Variants in VTI1A observed in about 807,000 individuals in gnomAD.
VTI1A encodes the protein vesicle transport through interaction with t-SNAREs homolog 1A.
VTI1A carries 22 observed loss-of-function variants against 34.9 expected under a neutral mutation model. The ratio of observed to expected loss-of-function variants is 0.63; its 90% CI spans 0.45 to 0.90. The LOEUF is 0.90. Among genes scored for constraint, VTI1A ranks in the 40% least tolerant of loss-of-function variants. The pLI, the probability that VTI1A is intolerant of heterozygous loss-of-function variation, is 0.00. For missense variants in VTI1A, 268 were observed against 275.6 expected (o/e 0.97, Z 0.20); for synonymous variants, 87 against 97.3 (o/e 0.89, Z 0.62).
At chr10:112,529,624 T>C (rs1332434910) in intron 4 of VTI1A, among the ~76,000 whole-genome samples, 1 of 152,064 alleles carries the variant, frequency 6.6e-6, no homozygotes, top group African/African-American at 2.4e-5. Flanking sequence ...AATAAATTGA[T>C]TTTCAGAACT....
intron 5 of VTI1A, among the ~76,000 whole-genome samples, chr10:112,569,036 T>C (rs1246632560): frequency 2.0e-5 from 3 of 151,844 alleles, no homozygotes; most frequent in African/African-American, 7.3e-5. Context: ...GCACCTATGG[T>C]CCCAGCTACT....
chr10:112,854,086 G>C, the VTI1A span, among the ~76,000 whole-genome samples: 1 of 152,100 alleles, frequency 6.6e-6, no homozygotes, highest in Non-Finnish European at 1.5e-5. Context: ...CTGCCTCCCT[G>C]GGTCCTCATA....
At chr10:112,613,264 G>T (rs1008800813) in intron 5 of VTI1A, among the ~76,000 whole-genome samples, 3 of 152,040 alleles carry the variant, frequency 2.0e-5, no homozygotes, top group African/African-American at 7.2e-5. Flanking sequence ...AGTTACAATT[G>T]TGCATCTTTC....
At chr10:112,559,653 C>G (rs139842331) in intron 5 of VTI1A, among the ~76,000 whole-genome samples, 2 of 152,276 alleles carry the variant, frequency 1.3e-5, no homozygotes, top group East Asian at 3.9e-4. Flanking sequence ...TCTTTATCAG[C>G]TATTCTTCCC....
At chr10:112,759,997 T>G (rs1851405560) in intron 7 of VTI1A, among the ~76,000 whole-genome samples, 2 of 152,152 alleles carry the variant, frequency 1.3e-5, no homozygotes, top group African/African-American at 2.4e-5. Flanking sequence ...CAATTCCCAA[T>G]GGGGAATACT....
chr10:112,599,346 T>G (rs1844796243), intron 5 of VTI1A, among the ~76,000 whole-genome samples: 1 of 152,132 alleles, frequency 6.6e-6, no homozygotes, highest in Non-Finnish European at 1.5e-5. Flanking sequence ...TGCAGGCCAA[T>G]TGGACAGACC....
Position 112,811,082 on chromosome 10 carries a change from A to G in VTI1A, c.561-4208A>G, listed in dbSNP as rs138007879. Among the ~76,000 whole-genome samples the G allele has an allele frequency of 2.6e-5, 4 of 152,338 alleles. No homozygotes were observed. The East Asian group carries it at 7.7e-4, about 29-fold the overall frequency. On this transcript the variant is annotated intron_variant, in intron 7 of 7. Coordinates refer to ENST00000393077, the MANE Select transcript of VTI1A (RefSeq NM_145206.4). ...GGACGGTAGCGTTATCACTCAGGGT[A>G]AAAGAGCTTATGGTATTCGGCAGTG... is the stretch of plus-strand genomic sequence containing the variant.
chr10:112,601,274 A>G (rs2134471150), intron 5 of VTI1A, among the ~76,000 whole-genome samples: 1 of 152,286 alleles, frequency 6.6e-6, no homozygotes, highest in Middle Eastern at 3.4e-3. Flanking sequence ...CTAAAGAAAG[A>G]TATTGACCAC....
the VTI1A span, among the ~76,000 whole-genome samples, chr10:112,840,042 C>G: frequency 2.0e-5 from 3 of 152,072 alleles, no homozygotes; most frequent in Non-Finnish European, 4.4e-5. Flanking sequence ...GGAGGAGGGC[C>G]AGGCTGTATA....
chr10:112,604,165 A>G (rs1373689513), intron 5 of VTI1A, among the ~76,000 whole-genome samples: 3 of 152,170 alleles, frequency 2.0e-5, no homozygotes, highest in Non-Finnish European at 4.4e-5. Context: ...CTCTGGAGCC[A>G]CACTGCCTGG....
intron 3 of VTI1A, among the ~76,000 whole-genome samples, chr10:112,513,208 T>A (rs1469957086): frequency 6.6e-6 from 1 of 152,128 alleles, no homozygotes; most frequent in Non-Finnish European, 1.5e-5. Flanking sequence ...TTTCTTCAAA[T>A]TCTTTCATCA....
At chr10:112,557,623 A>G (rs1407450728) in intron 5 of VTI1A, among the ~76,000 whole-genome samples, 2 of 152,218 alleles carry the variant, frequency 1.3e-5, no homozygotes, top group Non-Finnish European at 2.9e-5. Flanking sequence ...TTTAAGGACC[A>G]TTTATATATG....
At chr10:112,537,313 A>G (rs369139352) in intron 4 of VTI1A, among the ~76,000 whole-genome samples, 5 of 84,138 alleles carry the variant, frequency 5.9e-5, no homozygotes, top group African/African-American at 1.0e-4. Context: ...GTATCTAGGT[A>G]TATATATATA....
At chr10:112,448,896 AGCCAG>A (rs1383524917) in intron 1 of VTI1A, 1 of 152,156 alleles carries the variant, frequency 6.6e-6, no homozygotes, top group Non-Finnish European at 1.5e-5. Flanking sequence ...ATTTGCTTGA[AGCCAG>A]GATCTCTGAA....
the VTI1A span, among the ~76,000 whole-genome samples, chr10:112,842,037 C>CTTTTTTTTTT: frequency 2.5e-4 from 10 of 39,890 alleles, no homozygotes; most frequent in African/African-American, 7.7e-4. Flanking sequence ...GAGTTCTTTT[C>CTTTTTTTTTT]TTTTTTTTTT....
chr10:112,826,757 T>G, the VTI1A span: 7 of 152,186 alleles, frequency 4.6e-5, no homozygotes, highest in African/African-American at 1.7e-4. Context: ...AGAACAGTTT[T>G]CTAAGCCACC....
At chr10:112,755,335 C>A (rs939086446) in intron 7 of VTI1A, among the ~76,000 whole-genome samples, 1 of 152,264 alleles carries the variant, frequency 6.6e-6, no homozygotes, top group African/African-American at 2.4e-5. Context: ...GAAAGATGCC[C>A]GCTTGGGAAA....
intron 5 of VTI1A, among the ~76,000 whole-genome samples, chr10:112,659,371 A>C (rs1415472766): frequency 6.6e-6 from 1 of 152,198 alleles, no homozygotes; most frequent in Admixed American, 6.5e-5. Flanking sequence ...GAATGGATTC[A>C]TTCTCATTTT....
rs144651715 is a variant in VTI1A at position 112,764,108 on chromosome 10, A to G, written c.561-51182A>G. Reference sequence around the variant, plus strand: ...GAGATCCCCAACAGACTGATGCCCGACCTATAGCAATGAGGATGGCGGCCC... The same window carrying G: ...GAGATCCCCAACAGACTGATGCCCGGCCTATAGCAATGAGGATGGCGGCCC... On this transcript the variant is annotated intron_variant, in intron 7 of 7. Transcript: ENST00000393077. Among the ~76,000 whole-genome samples, 378 of 152,242 alleles carry G rather than the reference A, an allele frequency of 2.5e-3. 2 individuals are homozygous for G. The highest frequency in any genetic ancestry group is 4.7e-3 in the Non-Finnish European group (318 of 68,018).
Sources: gnomAD v4.1 joint callset for allele counts (sites outside exome capture counted in the v4.1 genomes callset) on GRCh38, gnomAD v4.1.1 for gene constraint, MANE v1.5 for transcripts, NCBI Gene and HGNC (gene_info 2026-07-23, HGNC 2026-07-21) for gene names.